The following TMOD1 variants were observed in gnomAD, a reference collection of about 807,000 sequenced individuals.
The protein encoded by TMOD1 is tropomodulin 1.
TMOD1 carries 17 observed loss-of-function variants against 40.6 expected under a neutral mutation model. The observed-to-expected ratio is 0.42, with a 90% CI of 0.29 to 0.63. The LOEUF (loss-of-function observed/expected upper bound fraction) is 0.63, where lower values mean the gene tolerates loss of function less well. Ranked by LOEUF, TMOD1 falls within the 20% of genes least tolerant of loss-of-function variation. The pLI is 0.22. For synonymous variants in TMOD1, 181 were observed against 175.0 expected (o/e 1.03, Z -0.27); for missense variants, 391 against 447.6 (o/e 0.87, Z 1.14).
intron 8 of TMOD1, among the ~76,000 whole-genome samples, chr9:97,581,185 C>T (rs1374359337): frequency 1.5e-5 from 2 of 135,324 alleles, no homozygotes; most frequent in South Asian, 2.5e-4. Context: ...TGATGTTCCC[C>T]TTCCTGTGTC....
chr9:97,549,040 A>G (rs1362404635), intron 3 of TMOD1, among the ~76,000 whole-genome samples: 3 of 152,144 alleles, frequency 2.0e-5, no homozygotes, highest in Non-Finnish European at 4.4e-5. Context: ...AGAGCCATAA[A>G]CTGGCACAAA....
chr9:97,586,345 G>C (rs1186202349), intron 8 of TMOD1, among the ~76,000 whole-genome samples: 1 of 152,106 alleles, frequency 6.6e-6, no homozygotes, highest in Non-Finnish European at 1.5e-5. Context: ...ACCCACTTGA[G>C]GAGGCAGTCT....
chr9:97,518,784 A>G (rs1829868903), intron 1 of TMOD1, among the ~76,000 whole-genome samples: 1 of 152,182 alleles, frequency 6.6e-6, no homozygotes. Context: ...CAGCCGAGGG[A>G]AGAGAGATTC....
rs571729601 is a variant in TMOD1 at position 97,584,031 on chromosome 9, T to C, written c.871-7260T>C. 1.3e-4 allele frequency among the ~76,000 whole-genome samples: 20 copies of C among 151,964 alleles called. No homozygotes were observed. The South Asian group carries it at 2.3e-3, about 17-fold the overall frequency. Reference sequence around the variant, plus strand: ...TTCTGCTCTGATCTTAGTTATTTCTTGCCTTCTGCTAGCTTTTGAATGTGT... The same window carrying C: ...TTCTGCTCTGATCTTAGTTATTTCTCGCCTTCTGCTAGCTTTTGAATGTGT... On this transcript the variant is annotated intron_variant, in intron 8 of 9. Coordinates refer to ENST00000259365, the MANE Select transcript of TMOD1 (RefSeq NM_003275.4).
intron 3 of TMOD1, among the ~76,000 whole-genome samples, chr9:97,551,320 A>C (rs1326498261): frequency 6.6e-6 from 1 of 152,088 alleles, no homozygotes; most frequent in East Asian, 1.9e-4. Flanking sequence ...CACTGCGCCC[A>C]GCCTGAATTT....
At chr9:97,595,170 A>G (rs1436021963) in intron 9 of TMOD1, among the ~76,000 whole-genome samples, 2 of 152,258 alleles carry the variant, frequency 1.3e-5, no homozygotes, top group African/African-American at 2.4e-5. Context: ...TATGAATACA[A>G]TGTGGAAAAA....
At position 97,601,553 on chromosome 9, in the gene TMOD1, ACCTCTGCC is replaced by A; in HGVS notation, c.*1856_*1863del. On this transcript the variant is annotated 3_prime_UTR_variant, in exon 10 of 10. Coordinates refer to ENST00000259365, the MANE Select transcript of TMOD1 (RefSeq NM_003275.4). Reference sequence around the variant, plus strand: ...TGAAGAAGGCCACATCTTTAAGGCCACCTCTGCCTCTATCAGATGAGCTGCTGGTCTAG... The same window carrying A: ...TGAAGAAGGCCACATCTTTAAGGCCATCTATCAGATGAGCTGCTGGTCTAG... The A allele has an allele frequency of 1.0e-6, 1 of 988,980 alleles. No homozygotes were observed. The highest frequency in any genetic ancestry group is 6.1e-5 in the Admixed American group (1 of 16,442). The allele number at this position is 988,980 out of a possible 1,614,324, so 61.3% of individuals were successfully genotyped here.
rs764622100 is a variant in TMOD1, at chr9:97,600,421, A to ATTT, written c.*724_*726dup. The ATTT allele has an allele frequency of 5.9e-5, 58 of 985,606 alleles. No homozygotes were observed. The highest frequency in any genetic ancestry group is 6.0e-5 in the Non-Finnish European group (50 of 830,100). 61.1% of individuals were successfully genotyped at this position (985,606 alleles called of 1,614,324 possible). A position where few individuals can be genotyped will look rare whatever the true frequency, so the allele number is the denominator to read the frequency against. On this transcript the variant is annotated 3_prime_UTR_variant, in exon 10 of 10. Coordinates refer to ENST00000259365, the MANE Select transcript of TMOD1 (RefSeq NM_003275.4). ...TGAGTGTTCTTTAAGAACATTTGGG[A>ATTT]TTTATGTACAATTTAATACTGGAGT... is the stretch of plus-strand genomic sequence containing the variant.
At chr9:97,596,443 G>A (rs1157043423) in intron 9 of TMOD1, among the ~76,000 whole-genome samples, 1 of 152,202 alleles carries the variant, frequency 6.6e-6, no homozygotes, top group East Asian at 1.9e-4. Context: ...GTTAGAGACT[G>A]TTCTGAATAC....
At chr9:97,594,062 T>C (rs1342580815) in intron 9 of TMOD1, among the ~76,000 whole-genome samples, 1 of 152,100 alleles carries the variant, frequency 6.6e-6, no homozygotes, top group Non-Finnish European at 1.5e-5. Flanking sequence ...AATGTCAAGC[T>C]CAGGGGCCTG....
intron 9 of TMOD1, among the ~76,000 whole-genome samples, chr9:97,592,528 C>T (rs1307004729): frequency 6.6e-6 from 1 of 152,116 alleles, no homozygotes; most frequent in Non-Finnish European, 1.5e-5. Context: ...CAGATTCAAA[C>T]CTGCTCTACA....
chr9:97,584,229 A>T (rs78723813), intron 8 of TMOD1, among the ~76,000 whole-genome samples: 1 of 152,130 alleles, frequency 6.6e-6, no homozygotes, highest in African/African-American at 2.4e-5. Context: ...TCAAAGAACA[A>T]CTTTATTTCT....
chr9:97,562,652 C>T (rs958249149), intron 4 of TMOD1, 80 bp from the exon 5 acceptor site: 25 of 1,012,868 alleles, frequency 2.5e-5, no homozygotes, highest in Admixed American at 6.0e-5. Flanking sequence ...AGCCAGAGTT[C>T]CCGGGGTTTG....
chr9:97,558,881 A>C (rs1487822710), intron 4 of TMOD1, among the ~76,000 whole-genome samples: 1 of 152,174 alleles, frequency 6.6e-6, no homozygotes, highest in Non-Finnish European at 1.5e-5. Flanking sequence ...CCCAGCCCCC[A>C]AAAAGGAAGT....
rs1205201409 is a variant in TMOD1 at position 97,555,799 on chromosome 9, A to G, written c.397+2399A>G. 9 of 1,078,598 alleles carry G rather than the reference A, an allele frequency of 8.3e-6. No homozygotes were observed. In the South Asian group the frequency reaches 1.1e-4, roughly 13 times the overall value. 66.8% of individuals were successfully genotyped at this position (1,078,598 alleles called of 1,614,324 possible). On this transcript the variant is annotated intron_variant, in intron 4 of 9. Transcript: ENST00000259365. The stretch of plus-strand genomic sequence containing the variant: ...ATTACTGTCCCCATTTTATGGATGG[A>G]GAAAGTAGGCAAGGTGTGGTTAAAT...
rs1476510755 is a variant in TMOD1 at position 97,599,803 on chromosome 9, T to C, written c.*105T>C. On this transcript the variant is annotated 3_prime_UTR_variant, in exon 10 of 10. Transcript: ENST00000259365. ...AAAATGCTGGCAGCATGAAACCCTT[T>C]TGTGGTTCAGTTCTTTATGCACTAA... The C allele has an allele frequency of 5.0e-6, 8 of 1,588,800 alleles. No individual in the cohort carries two copies. The highest frequency in any genetic ancestry group is 2.3e-5 in the East Asian group (1 of 44,230).
intron 8 of TMOD1, among the ~76,000 whole-genome samples, chr9:97,583,550 T>C (rs1825804156): frequency 6.8e-6 from 1 of 146,818 alleles, no homozygotes. Flanking sequence ...CTTTTTCTAT[T>C]GATTGGAATA....
In TMOD1 at chr9:97,502,277, G is replaced by C. The variant is rs978699895; in HGVS notation, c.-49+474G>C. Among the ~76,000 whole-genome samples, 5 of 152,216 alleles carry C rather than the reference G, an allele frequency of 3.3e-5. No individual in the cohort carries two copies. The highest frequency in any genetic ancestry group is 1.2e-4 in the African/African-American group (5 of 41,464). ...CTTCTCCGCCTGCAAGAGTCTGGGG[G>C]TGGGAGTGGGGGAGTAAAGGCTCGA... is the stretch of plus-strand genomic sequence containing the variant. On this transcript the variant is annotated intron_variant, in intron 1 of 9. Transcript: ENST00000259365. The surrounding 1 kb of genome is among the most constrained non-coding windows in gnomAD (Gnocchi z 6.1).
rs182569480 is a variant in TMOD1 at position 97,539,881 on chromosome 9, G to A, written c.121-6304G>A. On this transcript the variant is annotated intron_variant, in intron 2 of 9. Coordinates refer to ENST00000259365, the MANE Select transcript of TMOD1 (RefSeq NM_003275.4). ...CTCAGGAGGCTGAGGCAGGAGAATG[G>A]CGTGAACCTGGAGGTGGGGAGCGGA... is the stretch of plus-strand genomic sequence containing the variant. Among the ~76,000 whole-genome samples the A allele has an allele frequency of 2.1e-4, 31 of 150,990 alleles. 1 individual carries two copies. Among genetic ancestry groups the A allele is most frequent in the Non-Finnish European group, 7.4e-5 (5 of 67,846 alleles).
Sources: allele counts gnomAD v4.1 joint callset (sites outside exome capture counted in the v4.1 genomes callset), GRCh38; gene constraint gnomAD v4.1.1; non-coding constraint Gnocchi (gnomAD v3.1); transcripts MANE v1.5; gene names NCBI Gene and HGNC (gene_info 2026-07-23, HGNC 2026-07-21).